Variants in PRKAG2 observed in about 807,000 individuals in gnomAD.
PRKAG2 encodes the protein 5'-AMP-activated protein kinase subunit gamma-2.
In PRKAG2, 26 loss-of-function variants were observed where a neutral mutation model predicts 69.6. That is an observed-to-expected ratio of 0.37 (90% confidence interval 0.27 to 0.52). PRKAG2 has a LOEUF of 0.52. Among genes scored for constraint, PRKAG2 ranks in the 20% least tolerant of loss-of-function variants. PRKAG2 has a pLI of 0.90. For missense variants in PRKAG2, 557 were observed against 740.0 expected, an observed-to-expected ratio of 0.75 and a Z score of 2.87; for synonymous variants, 293 against 285.0, an observed-to-expected ratio of 1.03 and a Z score of -0.28.
intron 1 of PRKAG2, among the ~76,000 whole-genome samples, chr7:151,870,150 TAGATAGGCAGGCA>T (rs1417223534): frequency 1.7e-4 from 22 of 128,152 alleles, no homozygotes; most frequent in African/African-American, 5.8e-4. Context: ...GATAGATAGA[TAGATAGGCAGGCA>T]GGCAGGCAGG....
chr7:151,612,458 A>C (rs1257649965), intron 5 of PRKAG2, among the ~76,000 whole-genome samples: 1 of 151,940 alleles, frequency 6.6e-6, no homozygotes, highest in Non-Finnish European at 1.5e-5. Flanking sequence ...TAGGGGACAG[A>C]GTTGGAGGCC....
In PRKAG2 at chr7:151,654,218, G is replaced by A. The variant is rs975617045; in HGVS notation, c.684+21202C>T. Among the ~76,000 whole-genome samples the A allele has an allele frequency of 1.4e-4, 22 of 152,162 alleles. No individual in the cohort carries two copies. The South Asian group carries it at 1.5e-3, about 10-fold the overall frequency. Reference sequence around the variant, plus strand: ...TCTTCCATTTAACTTTGTCTTCAAAGAAACGTGTCTACAGGATGTCCCATG... The same window carrying A: ...TCTTCCATTTAACTTTGTCTTCAAAAAAACGTGTCTACAGGATGTCCCATG... On this transcript the variant is annotated intron_variant, in intron 4 of 15. Coordinates refer to ENST00000287878, the MANE Select transcript of PRKAG2 (RefSeq NM_016203.4).
rs991560331 is a variant in PRKAG2, at chr7:151,741,191, C to T, written c.466+39961G>A. Among the ~76,000 whole-genome samples the T allele has an allele frequency of 4.6e-5, 7 of 151,716 alleles. No individual in the cohort carries two copies. The East Asian group carries it at 1.2e-3, about 25-fold the overall frequency. On this transcript the variant is annotated intron_variant, in intron 3 of 15. Coordinates refer to ENST00000287878, the MANE Select transcript of PRKAG2 (RefSeq NM_016203.4). ...TCCTGCCACTGCACATCAGCCTGGGCAACTGAGTGAGACCCTGTCTCAAAA... is the reference window on the plus strand; with the variant it reads ...TCCTGCCACTGCACATCAGCCTGGGTAACTGAGTGAGACCCTGTCTCAAAA...
At chr7:151,692,651 CG>C (rs1257574950) in intron 3 of PRKAG2, among the ~76,000 whole-genome samples, 1 of 151,890 alleles carries the variant, frequency 6.6e-6, no homozygotes, top group Non-Finnish European at 1.5e-5. Flanking sequence ...AACATGAGTT[CG>C]GGGGGGTTGT....
rs938818925 is a variant in PRKAG2, at chr7:151,794,561, C to T, written c.115-8020G>A. 7.2e-5 allele frequency among the ~76,000 whole-genome samples: 11 copies of T among 152,240 alleles called. No homozygotes were observed. The South Asian group carries it at 1.2e-3, about 17-fold the overall frequency. On this transcript the variant is annotated intron_variant, in intron 1 of 15. Transcript: ENST00000287878. ...GCACACTGGGGCCTGATGATGAAGG[C>T]TGTGGGGAGCAACAAAGGCATCATC... is the stretch of plus-strand genomic sequence containing the variant.
At position 151,696,760 on chromosome 7, in the gene PRKAG2, C is replaced by T. The variant is rs1005122627; in HGVS notation, c.467-21123G>A. Among the ~76,000 whole-genome samples the T allele has an allele frequency of 8.5e-5, 13 of 152,278 alleles. No individual in the cohort carries two copies. The East Asian group carries it at 9.6e-4, about 11-fold the overall frequency. On this transcript the variant is annotated intron_variant, in intron 3 of 15. Coordinates refer to ENST00000287878, the MANE Select transcript of PRKAG2 (RefSeq NM_016203.4). ...CCTCTCCTCTCAAGTCAGATAAAAACGATCACACCAGGGAGGAGAGGCCTG... is the reference window on the plus strand; with the variant it reads ...CCTCTCCTCTCAAGTCAGATAAAAATGATCACACCAGGGAGGAGAGGCCTG...
chr7:151,696,801 A>G (rs1301500748), intron 3 of PRKAG2, among the ~76,000 whole-genome samples: 1 of 152,222 alleles, frequency 6.6e-6, no homozygotes. Context: ...GGGCAGCTGA[A>G]GGGAAAAAGA....
chr7:151,802,565 C>T (rs150132662), intron 1 of PRKAG2, among the ~76,000 whole-genome samples: 1 of 152,308 alleles, frequency 6.6e-6, no homozygotes, highest in Non-Finnish European at 1.5e-5. Flanking sequence ...GTCTGCACTG[C>T]CCTATTTTCA....
chr7:151,831,844 C>CT (rs1285764124), intron 1 of PRKAG2, among the ~76,000 whole-genome samples: 1 of 152,136 alleles, frequency 6.6e-6, no homozygotes, highest in African/African-American at 2.4e-5. Context: ...CTGGGGCATC[C>CT]TGGCAGGATC....
Position 151,583,613 on chromosome 7 carries a change from C to T in PRKAG2, c.865-7161G>A, listed in dbSNP as rs563315985. Among the ~76,000 whole-genome samples the T allele has an allele frequency of 6.6e-6, 1 of 152,226 alleles. No individual in the cohort carries two copies. The highest frequency in any genetic ancestry group is 2.1e-4 in the South Asian group (1 of 4,830). ...TAATTATAGACGGCACAGGGTGTTC[C>T]AATTAACCAATAAACAGGATACAAA... On this transcript the variant is annotated intron_variant, in intron 6 of 15. Coordinates refer to ENST00000287878, the MANE Select transcript of PRKAG2 (RefSeq NM_016203.4). This position sits in a 1 kb window ranked among gnomAD's most constrained non-coding sequence, Gnocchi z 4.1.
chr7:151,627,574 C>T (rs545941938), intron 5 of PRKAG2, among the ~76,000 whole-genome samples: 3 of 152,094 alleles, frequency 2.0e-5, no homozygotes, highest in South Asian at 4.2e-4. Context: ...TGCCGTGAAC[C>T]GAGATTGTAC....
intron 1 of PRKAG2, among the ~76,000 whole-genome samples, chr7:151,846,197 G>A (rs980909293): frequency 2.6e-5 from 4 of 152,198 alleles, no homozygotes; most frequent in South Asian, 2.1e-4. Context: ...ATGTAAGGCC[G>A]GGCGCGGTGG....
chr7:151,723,506 A>G (rs1797452695), intron 3 of PRKAG2, among the ~76,000 whole-genome samples: 1 of 152,192 alleles, frequency 6.6e-6, no homozygotes, highest in African/African-American at 2.4e-5. Context: ...CACGCGGCCC[A>G]CCCCAAGGAG....
chr7:151,706,024 C>T (rs1019557190), intron 3 of PRKAG2, among the ~76,000 whole-genome samples: 4 of 152,052 alleles, frequency 2.6e-5, no homozygotes, highest in Non-Finnish European at 4.4e-5. Flanking sequence ...TAAGATGAAA[C>T]GACAGGTATG....
intron 1 of PRKAG2, among the ~76,000 whole-genome samples, chr7:151,872,510 C>T (rs2080241315): frequency 2.6e-5 from 4 of 152,228 alleles, no homozygotes; most frequent in African/African-American, 9.7e-5. Context: ...GAAACTGAGG[C>T]AGGAACTGGC....
chr7:151,752,222 T>TA (rs901424071), intron 3 of PRKAG2, among the ~76,000 whole-genome samples: 2 of 152,246 alleles, frequency 1.3e-5, no homozygotes, highest in East Asian at 3.9e-4. Context: ...TACACAGCCA[T>TA]AAAAAAGAAA....
intron 15 of PRKAG2, chr7:151,560,193 G>A (rs551367121): frequency 8.4e-7 from 1 of 1,197,144 alleles, no homozygotes; most frequent in South Asian, 1.8e-5. Context: ...CTATGTTTCT[G>A]GTCACTAGTT....
chr7:151,613,348 C>A (rs58562421), intron 5 of PRKAG2, among the ~76,000 whole-genome samples: 3,869 of 152,190 alleles, frequency 0.025, 148 homozygotes, highest in African/African-American at 0.089. Context: ...TTTTGAGCAT[C>A]CATACTACAC....
intron 1 of PRKAG2, among the ~76,000 whole-genome samples, chr7:151,863,019 G>C (rs569519224): frequency 1.4e-5 from 2 of 146,746 alleles, no homozygotes; most frequent in South Asian, 4.4e-4. Context: ...GTAGACCCCA[G>C]GTGCAGGGGG....
Sources: gnomAD v4.1 joint callset for allele counts (sites outside exome capture counted in the v4.1 genomes callset) on GRCh38, gnomAD v4.1.1 for gene constraint, Gnocchi (gnomAD v3.1) non-coding constraint, MANE v1.5 for transcripts, NCBI Gene and HGNC (gene_info 2026-07-23, HGNC 2026-07-21) for gene names.